Variants in NTMT1 observed in about 807,000 individuals in gnomAD.
The protein encoded by NTMT1 is N-terminal RCC1 methyltransferase.
NTMT1 carries 8 observed loss-of-function variants against 17.5 expected under a neutral mutation model. The observed-to-expected ratio is 0.46, with a 90% CI of 0.27 to 0.82. The LOEUF is 0.82. Ranked by LOEUF, NTMT1 falls within the 40% of genes least tolerant of loss-of-function variation. The pLI, the probability that NTMT1 is intolerant of heterozygous loss-of-function variation, is 0.15. For missense variants in NTMT1, 221 were observed against 303.5 expected (o/e 0.73, Z 2.02); for synonymous variants, 128 against 126.8 (o/e 1.01, Z -0.06).
intron 1 of NTMT1, chr9:129,612,170 C>T (rs1260587274): frequency 5.0e-6 from 3 of 599,118 alleles, no homozygotes; most frequent in Non-Finnish European, 9.0e-6. Context: ...GCTGTGTCTC[C>T]ATCCCCTTCC....
At chr9:129,618,904 C>T (rs1013551885) in intron 1 of NTMT1, among the ~76,000 whole-genome samples, 6 of 140,964 alleles carry the variant, frequency 4.3e-5, no homozygotes, top group African/African-American at 1.6e-4. Context: ...TTAGTAGAGA[C>T]GGGGTTTCAC....
chr9:129,621,138 G>A (rs938143653), intron 1 of NTMT1, among the ~76,000 whole-genome samples: 1 of 152,204 alleles, frequency 6.6e-6, no homozygotes, highest in Non-Finnish European at 1.5e-5. Flanking sequence ...TCAAAGCGTG[G>A]AACTGTTACC....
Position 129,613,683 on chromosome 9 carries a change from G to A in NTMT1, c.-55+4505G>A. On this transcript the variant is annotated intron_variant, in intron 1 of 3. Transcript: ENST00000372486. This position sits in a 1 kb window ranked among gnomAD's most constrained non-coding sequence, Gnocchi z 6.2. ...CTCTTTTCCTCCCTCTGGCAGGCAGGGCCGGTCAGAGCCCTGTCTCCATGG... is the reference window on the plus strand; with the variant it reads ...CTCTTTTCCTCCCTCTGGCAGGCAGAGCCGGTCAGAGCCCTGTCTCCATGG... 4 of 1,545,124 alleles carry A rather than the reference G, an allele frequency of 2.6e-6. No individual in the cohort carries two copies. The highest frequency in any genetic ancestry group is 3.5e-6 in the Non-Finnish European group (4 of 1,134,532).
chr9:129,619,932 C>G, intron 1 of NTMT1: 1 of 1,502,212 alleles, frequency 6.7e-7, no homozygotes, highest in Non-Finnish European at 9.2e-7. Context: ...GGACGGGTTG[C>G]GAGGGCTCTG....
intron 1 of NTMT1, among the ~76,000 whole-genome samples, chr9:129,631,778 G>A (rs1232490605): frequency 2.0e-5 from 3 of 152,110 alleles, no homozygotes; most frequent in Non-Finnish European, 2.9e-5. Context: ...CAGCTTACGC[G>A]TCCCCTCCTC....
intron 1 of NTMT1, among the ~76,000 whole-genome samples, chr9:129,610,186 GA>G (rs1429792754): frequency 0.04 from 5,070 of 125,748 alleles, 153 homozygotes; most frequent in African/African-American, 0.065. Flanking sequence ...AGCCACAGGG[GA>G]GGGGGGAGGA....
intron 1 of NTMT1, among the ~76,000 whole-genome samples, chr9:129,629,396 T>TTC (rs1831038282): frequency 6.6e-6 from 1 of 151,330 alleles, no homozygotes; most frequent in African/African-American, 2.4e-5. Context: ...TTCATTCTTC[T>TTC]TCTTCTTTTT....
intron 1 of NTMT1, chr9:129,619,929 T>C: frequency 1.3e-6 from 2 of 1,500,384 alleles, no homozygotes; most frequent in Non-Finnish European, 1.8e-6. Flanking sequence ...CAAGGACGGG[T>C]TGCGAGGGCT....
At chr9:129,623,115 T>C (rs7468078), upstream of NTMT1, among the ~76,000 whole-genome samples, 148,394 of 151,868 alleles carry the variant, frequency 0.98, 72,511 homozygotes, top group Middle Eastern at 0.99. Flanking sequence ...GGGTGGATCA[T>C]GAGGTCAGGA....
At chr9:129,623,997 T>C (rs1354573600), upstream of NTMT1, among the ~76,000 whole-genome samples, 4 of 152,004 alleles carry the variant, frequency 2.6e-5, no homozygotes, top group East Asian at 7.7e-4. Context: ...GGTTTCACCG[T>C]GTTAGCCAGG....
At position 129,613,628 on chromosome 9, in the gene NTMT1, G is replaced by A; in HGVS notation, c.-55+4450G>A. ...GGAAAGAGGGCAGGGTGAGATCTCT[G>A]CCCAGGAGGAGGGCACTGGTGCCCC... is the stretch of plus-strand genomic sequence containing the variant. On this transcript the variant is annotated intron_variant, in intron 1 of 3. Transcript: ENST00000372486. This position sits in a 1 kb window ranked among gnomAD's most constrained non-coding sequence, Gnocchi z 6.2. 6.2e-7 allele frequency: 1 copy of A among 1,613,078 alleles called. No individual in the cohort carries two copies. Among genetic ancestry groups the A allele is most frequent in the Non-Finnish European group, 8.5e-7 (1 of 1,179,498 alleles).
chr9:129,622,519 G>C (rs559357644), upstream of NTMT1, among the ~76,000 whole-genome samples: 1 of 152,086 alleles, frequency 6.6e-6, no homozygotes, highest in East Asian at 1.9e-4. Flanking sequence ...ATAATCCAAG[G>C]TCTGGGTGCT....
In NTMT1 at chr9:129,613,574, G is replaced by A; in HGVS notation, c.-55+4396G>A. On this transcript the variant is annotated intron_variant, in intron 1 of 3. Coordinates refer to the NTMT1 transcript ENST00000372486. This position sits in a 1 kb window ranked among gnomAD's most constrained non-coding sequence, Gnocchi z 6.2. Reference sequence around the variant, plus strand: ...GACGCCACTGGCAGGGCGGCCTTCTGGTTCACAATGACGCTCTGTTGGACT... The same window carrying A: ...GACGCCACTGGCAGGGCGGCCTTCTAGTTCACAATGACGCTCTGTTGGACT... 1 of 1,614,136 alleles carries A rather than the reference G, an allele frequency of 6.2e-7. No individual in the cohort carries two copies. The highest frequency in any genetic ancestry group is 8.5e-7 in the Non-Finnish European group (1 of 1,180,010).
intron 1 of NTMT1, among the ~76,000 whole-genome samples, chr9:129,631,452 T>C (rs4837395): frequency 0.98 from 148,800 of 152,268 alleles, 72,717 homozygotes; most frequent in Middle Eastern, 0.99. Context: ...TCCTGAAGGG[T>C]GAGGTGGGCC....
chr9:129,631,474 G>T (rs1190784640), intron 1 of NTMT1, among the ~76,000 whole-genome samples: 1 of 152,182 alleles, frequency 6.6e-6, no homozygotes, highest in Non-Finnish European at 1.5e-5. Flanking sequence ...GGGCTCTGCT[G>T]CCAGGACCCA....
chr9:129,612,788 C>T (rs1043122850), intron 1 of NTMT1, among the ~76,000 whole-genome samples: 1 of 152,122 alleles, frequency 6.6e-6, no homozygotes, highest in African/African-American at 2.4e-5. Flanking sequence ...CAAGATTGCA[C>T]CACTGCACTC....
In NTMT1 at chr9:129,614,275, T is replaced by TC. The variant is rs1174684959; in HGVS notation, c.-55+5101dup. Among the ~76,000 whole-genome samples the TC allele has an allele frequency of 6.6e-6, 1 of 152,164 alleles. No individual in the cohort carries two copies. The highest frequency in any genetic ancestry group is 1.5e-5 in the Non-Finnish European group (1 of 68,032). On this transcript the variant is annotated intron_variant, in intron 1 of 3. Coordinates refer to the NTMT1 transcript ENST00000372486. The surrounding 1 kb of genome is among the most constrained non-coding windows in gnomAD (Gnocchi z 4.4). ...CCATCCTGCTTCTGGGGCCTTGGTTTCCCCACCAAACAAACAGAAGTTGGG... is the reference window on the plus strand; with the variant it reads ...CCATCCTGCTTCTGGGGCCTTGGTTTCCCCCACCAAACAAACAGAAGTTGGG...
chr9:129,613,281 T>C lies in NTMT1; in HGVS notation c.-55+4103T>C. 1 of 1,581,574 alleles carries C rather than the reference T, an allele frequency of 6.3e-7. No individual in the cohort carries two copies. The highest frequency in any genetic ancestry group is 1.1e-5 in the South Asian group (1 of 87,370). On this transcript the variant is annotated intron_variant, in intron 1 of 3. Transcript: ENST00000372486. The surrounding 1 kb of genome is among the most constrained non-coding windows in gnomAD (Gnocchi z 6.2). ...GGGAGACAGGACCCCATGAGCTTCC[T>C]GGACTCTGAGTCCCCGGCCCACCCA...
At position 129,613,189 on chromosome 9, in the gene NTMT1, A is replaced by C. The variant is rs759160294; in HGVS notation, c.-55+4011A>C. ...AGCAGCGGCCTTCTTCCATGAACAG[A>C]AGGGCAGGCTGCTGTTCATGGAGGT... On this transcript the variant is annotated intron_variant, in intron 1 of 3. Coordinates refer to the NTMT1 transcript ENST00000372486. The surrounding 1 kb of genome is among the most constrained non-coding windows in gnomAD (Gnocchi z 6.2). 6.2e-7 allele frequency: 1 copy of C among 1,613,598 alleles called. No homozygotes were observed. The highest frequency in any genetic ancestry group is 1.1e-5 in the South Asian group (1 of 91,076).
Sources: allele counts gnomAD v4.1 joint callset (sites outside exome capture counted in the v4.1 genomes callset), GRCh38; gene constraint gnomAD v4.1.1; non-coding constraint Gnocchi (gnomAD v3.1); transcripts MANE v1.5; gene names NCBI Gene and HGNC (gene_info 2026-07-23, HGNC 2026-07-21).